The following PRDM11 variants were observed in gnomAD, a reference collection of about 807,000 sequenced individuals.
PRDM11 encodes the protein PR domain-containing protein 11.
A neutral mutation model predicts 97.8 loss-of-function variants in PRDM11; 20 were observed. The ratio of observed to expected loss-of-function variants is 0.20; its 90% CI spans 0.14 to 0.30. The LOEUF (loss-of-function observed/expected upper bound fraction) is 0.30. Ranked by LOEUF, PRDM11 falls within the 10% of genes least tolerant of loss-of-function variation. The pLI, the probability that PRDM11 is intolerant of heterozygous loss-of-function variation, is 1.00. For missense variants in PRDM11, 1,139 were observed against 1,555.2 expected, an observed-to-expected ratio of 0.73 and a Z score of 4.50; for synonymous variants, 599 against 637.7, an observed-to-expected ratio of 0.94 and a Z score of 0.91.
intron 4 of PRDM11, among the ~76,000 whole-genome samples, chr11:45,194,833 C>T (rs1455875409): frequency 2.6e-5 from 4 of 151,630 alleles, no homozygotes; most frequent in Non-Finnish European, 5.9e-5. Context: ...CTCCTGACCT[C>T]GTGATCCGCC....
Position 45,219,631 on chromosome 11 carries a change from C to G in PRDM11, c.616C>G (p.Arg206Gly), listed in dbSNP as rs749234837. 1 of 1,613,946 alleles carries G rather than the reference C, an allele frequency of 6.2e-7. No homozygotes were observed. The highest frequency in any genetic ancestry group is 8.5e-7 in the Non-Finnish European group (1 of 1,180,008). ...CCTGCTGGCGTTCCAGCACAGTGAG[C>G]GCATCTACTTCCGGGCGTGCAGGGA... The part of the protein sequence containing the change: ...QNLLAFQHSE[R>G]IYFRACRDIR... The change falls in exon 6 of 8, where the codon CGC becomes GGC. Residue 206 changes from arginine (R) to glycine (G), a missense_variant. Coordinates refer to ENST00000683152, the MANE Select transcript of PRDM11 (RefSeq NM_001384648.1). This position sits in a 1 kb window ranked among gnomAD's most constrained non-coding sequence, Gnocchi z 4.2.
At chr11:45,112,269 C>A (rs980583381) in intron 1 of PRDM11, among the ~76,000 whole-genome samples, 1 of 152,196 alleles carries the variant, frequency 6.6e-6, no homozygotes, top group African/African-American at 2.4e-5. Flanking sequence ...CTGCAAAAGA[C>A]ATTATTTCAT....
intron 4 of PRDM11, among the ~76,000 whole-genome samples, chr11:45,194,672 C>T (rs1325781224): frequency 4.4e-5 from 6 of 135,530 alleles, no homozygotes; most frequent in African/African-American, 1.6e-4. Flanking sequence ...GATCTCGGCT[C>T]ACTGCAAGCT....
chr11:45,174,848 A>G (rs1852289812), intron 1 of PRDM11, among the ~76,000 whole-genome samples: 1 of 152,196 alleles, frequency 6.6e-6, no homozygotes, highest in Admixed American at 6.5e-5. Flanking sequence ...TCCCAGACCC[A>G]TGTGTACAGA....
At chr11:45,179,861 T>A (rs1852423695) in intron 1 of PRDM11, among the ~76,000 whole-genome samples, 1 of 152,252 alleles carries the variant, frequency 6.6e-6, no homozygotes, top group African/African-American at 2.4e-5. Flanking sequence ...ACCTAACCAC[T>A]GAGGCTCCAC....
intron 5 of PRDM11, among the ~76,000 whole-genome samples, chr11:45,210,108 G>A (rs1219585809): frequency 6.6e-6 from 1 of 152,182 alleles, no homozygotes; most frequent in African/African-American, 2.4e-5. Context: ...GAAGGCCCGG[G>A]CCGGGCCATG....
At chr11:45,195,439 T>C (rs1853086613) in intron 4 of PRDM11, among the ~76,000 whole-genome samples, 1 of 152,196 alleles carries the variant, frequency 6.6e-6, no homozygotes, top group African/African-American at 2.4e-5. Context: ...TATGGATTTT[T>C]CTATTCTGGC....
At chr11:45,097,886 G>T (rs1851911117) in intron 1 of PRDM11, among the ~76,000 whole-genome samples, 1 of 152,256 alleles carries the variant, frequency 6.6e-6, no homozygotes, top group Non-Finnish European at 1.5e-5. Flanking sequence ...GTTCTCCAAG[G>T]AATTTGGAAG....
At chr11:45,127,329 C>T (rs1172884034) in intron 1 of PRDM11, among the ~76,000 whole-genome samples, 2 of 152,356 alleles carry the variant, frequency 1.3e-5, no homozygotes, top group East Asian at 3.9e-4. Flanking sequence ...GCCTTCTTCT[C>T]CCAACTTGTC....
chr11:45,150,578 A>G (rs925881113), intron 1 of PRDM11, among the ~76,000 whole-genome samples: 1 of 152,196 alleles, frequency 6.6e-6, no homozygotes, highest in Non-Finnish European at 1.5e-5. Flanking sequence ...AGCTGGCAAA[A>G]TGACTGGCTT....
intron 1 of PRDM11, among the ~76,000 whole-genome samples, chr11:45,140,478 G>T (rs1413256727): frequency 6.6e-6 from 1 of 152,208 alleles, no homozygotes; most frequent in East Asian, 1.9e-4. Context: ...ATTCCCCTAT[G>T]GTGGGACTTT....
chr11:45,123,165 C>G (rs1852480450), intron 1 of PRDM11, among the ~76,000 whole-genome samples: 1 of 152,170 alleles, frequency 6.6e-6, no homozygotes, highest in Non-Finnish European at 1.5e-5. Context: ...CTGTTCATAT[C>G]CTCCCCCCAC....
intron 7 of PRDM11, chr11:45,225,076 A>C (rs1590478714): frequency 1.4e-6 from 2 of 1,437,034 alleles, no homozygotes; most frequent in African/African-American, 1.4e-5. Context: ...TCAATAAAGG[A>C]AGTTCCGCTG....
chr11:45,127,277 T>C (rs950078939), intron 1 of PRDM11, among the ~76,000 whole-genome samples: 2 of 152,226 alleles, frequency 1.3e-5, no homozygotes, highest in African/African-American at 4.8e-5. Flanking sequence ...TGCCATTGGT[T>C]TGAATTTCCT....
upstream of PRDM11, among the ~76,000 whole-genome samples, chr11:45,143,299 A>C (rs1168956552): frequency 1.3e-5 from 2 of 152,226 alleles, no homozygotes; most frequent in Admixed American, 6.5e-5. Flanking sequence ...TGGAGCTAAC[A>C]GGAAGTATTT....
rs748825665 is a variant in PRDM11 at position 45,181,833 on chromosome 11, G to T, written c.67G>T (p.Val23Leu). ...NAAVGDMVTV[V>L]KTEVCSPLRD... is the part of the protein sequence containing the mutation. ...AGCCGTGGGGGATATGGTGACGGTG[G>T]TGAAGACGGAGGTCTGCTCACCACT... Residue 23 changes from valine to leucine, a missense_variant, in exon 2 of 8, where the codon GTG (valine) becomes TTG (leucine). Physicochemically the swap from Val to Leu is conservative, Grantham distance 32. Around this residue, in one of 2 missense-constraint regions of PRDM11, gnomAD observed 429 missense variants for 510.3 expected, o/e 0.84. Coordinates refer to ENST00000683152, the MANE Select transcript of PRDM11 (RefSeq NM_001384648.1). 7 of 1,613,500 alleles carry T rather than the reference G, an allele frequency of 4.3e-6. No homozygotes were observed. In the East Asian group the frequency reaches 1.6e-4, roughly 36 times the overall value.
Position 45,122,230 on chromosome 11 carries a change from C to G in PRDM11, c.96+26329C>G, listed in dbSNP as rs879288100. Among the ~76,000 whole-genome samples the G allele has an allele frequency of 4.0e-3, 534 of 132,420 alleles. 1 individual carries two copies. The highest frequency in any genetic ancestry group is 5.7e-3 in the Admixed American group (69 of 12,116). 86.9% of individuals were successfully genotyped at this position (132,420 alleles called of 152,430 possible). A position where few individuals can be genotyped will look rare whatever the true frequency, so the allele number is the denominator to read the frequency against. On this transcript the variant is annotated intron_variant, in intron 1 of 6. Coordinates refer to the PRDM11 transcript ENST00000530656. Reference sequence around the variant, plus strand: ...ACACACACACACACACACACACACACACACACAGAGAGAAACAGAATATCA... The same window carrying G: ...ACACACACACACACACACACACACAGACACACAGAGAGAAACAGAATATCA...
At position 45,229,707 on chromosome 11, in the gene PRDM11, T is replaced by G. The variant is rs1854361713; in HGVS notation, c.*1548T>G. On this transcript the variant is annotated 3_prime_UTR_variant, in exon 8 of 8. Transcript: ENST00000683152. ...TTCTGTTCATGTTCCTACATCTGAT[T>G]TATGCATATTTTATATGCAGAGATC... is the stretch of plus-strand genomic sequence containing the variant. The G allele has an allele frequency of 6.6e-6, 1 of 152,206 alleles. No individual in the cohort carries two copies. Among genetic ancestry groups the G allele is most frequent in the South Asian group, 2.1e-4 (1 of 4,832 alleles). 9.4% of individuals were successfully genotyped at this position (152,206 alleles called of 1,614,324 possible). A position where few individuals can be genotyped will look rare whatever the true frequency, so the allele number is the denominator to read the frequency against.
At chr11:45,170,727 C>G (rs1852182661) in intron 1 of PRDM11, among the ~76,000 whole-genome samples, 1 of 152,152 alleles carries the variant, frequency 6.6e-6, no homozygotes, top group South Asian at 2.1e-4. Flanking sequence ...TATGTTATAA[C>G]AGGTACACCC....
Sources: allele counts gnomAD v4.1 joint callset (sites outside exome capture counted in the v4.1 genomes callset), GRCh38; gene constraint gnomAD v4.1.1; regional missense constraint gnomAD v4.1.1; non-coding constraint Gnocchi (gnomAD v3.1); transcripts MANE v1.5; gene names NCBI Gene and HGNC (gene_info 2026-07-23, HGNC 2026-07-21).